TMC2: variants seen among roughly 807,000 people sequenced by gnomAD.
The protein encoded by TMC2 is transmembrane channel-like protein 2.
A neutral mutation model predicts 105.9 loss-of-function variants in TMC2; 102 were observed. The observed-to-expected ratio is 0.96, with a 90% CI of 0.82 to 1.14. TMC2 has a LOEUF of 1.14. TMC2 is among the 50% of genes most tolerant of loss of function. The pLI, the probability that TMC2 is intolerant of heterozygous loss-of-function variation, is 0.00. For synonymous variants in TMC2, 402 were observed against 422.8 expected (o/e 0.95, Z 0.60); for missense variants, 1,093 against 1,134.3 (o/e 0.96, Z 0.52).
In TMC2 at chr20:2,618,933, C is replaced by T. The variant is rs974082938; in HGVS notation, c.2180+1622C>T. On this transcript the variant is annotated intron_variant, in intron 16 of 19. Coordinates refer to ENST00000358864, the MANE Select transcript of TMC2 (RefSeq NM_080751.3). The stretch of plus-strand genomic sequence containing the variant: ...AACCCTTTCTGCATGGATCACTCAT[C>T]CAGGGCTGGAAATAGGGTGAGGCAG... Among the ~76,000 whole-genome samples the T allele has an allele frequency of 8.5e-5, 13 of 152,272 alleles. No homozygotes were observed. The East Asian group carries it at 2.5e-3, about 29-fold the overall frequency.
intron 16 of TMC2, among the ~76,000 whole-genome samples, chr20:2,620,085 GAAAAA>G (rs1291433207): frequency 6.6e-6 from 1 of 151,634 alleles, no homozygotes; most frequent in Admixed American, 6.6e-5. Context: ...CTTCAAAAAA[GAAAAA>G]AAGAAAAGAG....
At position 2,641,667 on chromosome 20, in the gene TMC2, G is replaced by T; in HGVS notation, c.*316G>T. On this transcript the variant is annotated 3_prime_UTR_variant, in exon 20 of 20. Transcript: ENST00000358864. ...TCCCGATTTTCGGAGTTGGGGAAGG[G>T]CCATGACCACCCTCGTAGACTTTTT... 1 of 307,748 alleles carries T rather than the reference G, an allele frequency of 3.2e-6. No homozygotes were observed. Among genetic ancestry groups the T allele is most frequent in the Non-Finnish European group, 6.2e-6 (1 of 161,618 alleles). 19.1% of individuals were successfully genotyped at this position (307,748 alleles called of 1,614,324 possible).
intron 2 of TMC2, among the ~76,000 whole-genome samples, chr20:2,550,027 AC>A (rs1434848268): frequency 6.6e-6 from 1 of 152,138 alleles, no homozygotes; most frequent in African/African-American, 2.4e-5. Flanking sequence ...TACTAAAAAT[AC>A]AAAAATTAGT....
chr20:2,636,034 G>T (rs775093981), intron 18 of TMC2, 30 bp downstream of exon 18: 2 of 1,583,678 alleles, frequency 1.3e-6, no homozygotes, highest in Non-Finnish European at 1.7e-6. Context: ...CATCCTGGAC[G>T]GTAAAAAGAG....
chr20:2,584,715 T>G (rs1427981692), intron 7 of TMC2, among the ~76,000 whole-genome samples: 2 of 152,192 alleles, frequency 1.3e-5, no homozygotes, highest in African/African-American at 2.4e-5. Flanking sequence ...TTGTCTCATT[T>G]ACAGCAAAGT....
chr20:2,636,929 A>C (rs1194978424), intron 18 of TMC2, among the ~76,000 whole-genome samples: 1 of 152,048 alleles, frequency 6.6e-6, no homozygotes, highest in Admixed American at 6.5e-5. Flanking sequence ...TGTTAATCTC[A>C]CTGGGCTCCT....
chr20:2,602,573 C>T (rs6037084), intron 11 of TMC2, among the ~76,000 whole-genome samples: 5 of 152,220 alleles, frequency 3.3e-5, no homozygotes, highest in African/African-American at 1.2e-4. Context: ...CGATCCTTTC[C>T]TCACAGCTTT....
chr20:2,554,289 C>CTGTTG (rs2085973774), intron 2 of TMC2, among the ~76,000 whole-genome samples: 3 of 152,132 alleles, frequency 2.0e-5, no homozygotes, highest in Non-Finnish European at 4.4e-5. Flanking sequence ...CGGAGCAACA[C>CTGTTG]CCTGTCTCAA....
At chr20:2,550,393 G>C (rs1056081778) in intron 2 of TMC2, among the ~76,000 whole-genome samples, 1 of 152,052 alleles carries the variant, frequency 6.6e-6, no homozygotes, top group South Asian at 2.1e-4. Context: ...GAGTTTCCAC[G>C]TATAACCTTC....
chr20:2,560,652 A>G (rs1262062881), intron 3 of TMC2, among the ~76,000 whole-genome samples: 1 of 152,012 alleles, frequency 6.6e-6, no homozygotes, highest in Non-Finnish European at 1.5e-5. Flanking sequence ...CCTGGCTAAC[A>G]TGGTGAAACC....
chr20:2,563,603 A>T (rs998600534), intron 4 of TMC2, among the ~76,000 whole-genome samples: 2 of 152,226 alleles, frequency 1.3e-5, no homozygotes, highest in East Asian at 3.8e-4. Flanking sequence ...AATTGCTAAG[A>T]ATAGATTATA....
In TMC2 at chr20:2,594,654, C is replaced by T. The variant is rs939456047; in HGVS notation, c.934-171C>T. 2.2e-4 allele frequency among the ~76,000 whole-genome samples: 33 copies of T among 152,312 alleles called. 1 individual carries two copies. The highest frequency in any genetic ancestry group is 7.9e-4 in the African/African-American group (33 of 41,570). On this transcript the variant is annotated intron_variant, in intron 8 of 19. Coordinates refer to ENST00000358864, the MANE Select transcript of TMC2 (RefSeq NM_080751.3). ...AAAGAAGGGGAGATATGGAGGGGCT[C>T]TGGAGCCACTGGAGGAGGTGAAGGG... is the stretch of plus-strand genomic sequence containing the variant.
chr20:2,561,976 C>G lies in TMC2; in HGVS notation c.520C>G (p.Pro174Ala). ...KKLIATMRSK[P>A]WPMAKKLTEL... ...GCTCATTGCCACCATGCGGAGCAAGCCCTGGCCCATGGCGAAGAAGCTGAC... is the reference window on the plus strand; with the variant it reads ...GCTCATTGCCACCATGCGGAGCAAGGCCTGGCCCATGGCGAAGAAGCTGAC... The change falls in exon 4 of 20, where the codon CCC (proline) becomes GCC (alanine). Residue 174 changes from proline (P) to alanine (A), a missense_variant. Physicochemically the swap from Pro to Ala is conservative, Grantham distance 27. Coordinates refer to ENST00000358864, the MANE Select transcript of TMC2 (RefSeq NM_080751.3). 6.2e-7 allele frequency: 1 copy of G among 1,614,192 alleles called. No individual in the cohort carries two copies. Among genetic ancestry groups the G allele is most frequent in the Non-Finnish European group, 8.5e-7 (1 of 1,180,004 alleles).
chr20:2,581,369 C>T (rs1440681310), intron 7 of TMC2, among the ~76,000 whole-genome samples: 1 of 152,176 alleles, frequency 6.6e-6, no homozygotes, highest in Non-Finnish European at 1.5e-5. Context: ...CTTTCATAAA[C>T]ACACCTAGAA....
chr20:2,562,383 A>G (rs2086033481), intron 4 of TMC2, among the ~76,000 whole-genome samples: 1 of 152,152 alleles, frequency 6.6e-6, no homozygotes, highest in Non-Finnish European at 1.5e-5. Flanking sequence ...GCTCTCTCTC[A>G]TGTTCCTGGA....
chr20:2,617,928 C>T (rs2086496794), intron 16 of TMC2: 1 of 153,378 alleles, frequency 6.5e-6, no homozygotes, highest in African/African-American at 2.4e-5. Flanking sequence ...CCAGGCTGGC[C>T]TTGAACTCCT....
At chr20:2,549,230 T>G (rs1345296660) in intron 2 of TMC2, among the ~76,000 whole-genome samples, 1 of 152,114 alleles carries the variant, frequency 6.6e-6, no homozygotes, top group Non-Finnish European at 1.5e-5. Context: ...AAATTTTTAG[T>G]TTTTTTGTAC....
chr20:2,641,090 C>T (rs369637721), intron 19 of TMC2, 44 bp from the exon 20 acceptor site: 5 of 1,575,210 alleles, frequency 3.2e-6, no homozygotes, highest in African/African-American at 1.3e-5. Context: ...CCAACCTGTA[C>T]AAAATCTCCC....
intron 3 of TMC2, among the ~76,000 whole-genome samples, chr20:2,560,181 G>A (rs2086015483): frequency 6.6e-6 from 1 of 151,788 alleles, no homozygotes; most frequent in Non-Finnish European, 1.5e-5. Context: ...AGCAATGACT[G>A]AATGTCCAAC....
Sources: allele counts gnomAD v4.1 joint callset (sites outside exome capture counted in the v4.1 genomes callset), GRCh38; gene constraint gnomAD v4.1.1; transcripts MANE v1.5; gene names NCBI Gene and HGNC (gene_info 2026-07-23, HGNC 2026-07-21).